NCLN: variants seen among roughly 807,000 people sequenced by gnomAD.
The protein encoded by NCLN is nicalin, also known as BOS complex subunit NCLN.
A neutral mutation model predicts 69.5 loss-of-function variants in NCLN; 34 were observed. The observed-to-expected ratio is 0.49, with a 90% CI of 0.37 to 0.65. The LOEUF is 0.65. Among genes scored for constraint, NCLN ranks in the 30% least tolerant of loss-of-function variants. The probability of loss-of-function intolerance (pLI) is 0.00; values close to 1 mark genes in which losing one functional copy is unlikely to be tolerated. For synonymous variants in NCLN, 393 were observed against 358.3 expected, an observed-to-expected ratio of 1.10 and a Z score of -1.09; for missense variants, 710 against 804.8, an observed-to-expected ratio of 0.88 and a Z score of 1.42.
chr19:3,203,973 C>T (rs762893252), intron 7 of NCLN, 32 bp from the exon 8 acceptor site: 1 of 1,544,100 alleles, frequency 6.5e-7, no homozygotes, highest in Non-Finnish European at 8.7e-7. Flanking sequence ...TCCTGGTCCC[C>T]ACCCACCCCG....
chr19:3,187,929 T>C (rs1056593963), intron 1 of NCLN, among the ~76,000 whole-genome samples: 11 of 152,100 alleles, frequency 7.2e-5, no homozygotes, highest in African/African-American at 2.7e-4. Flanking sequence ...CGCCTCCATC[T>C]TTGCTGCCTG....
rs1285963253 is a variant in NCLN, at chr19:3,203,844, G to A, written c.889G>A (p.Asp297Asn). 1 of 1,612,492 alleles carries A rather than the reference G, an allele frequency of 6.2e-7. No individual in the cohort carries two copies. The change falls in exon 7 of 15, where the codon GAC becomes AAC. Residue 297 changes from aspartate to asparagine, a missense_variant and splice_region_variant. Coordinates refer to ENST00000246117, the MANE Select transcript of NCLN (RefSeq NM_020170.4). ...GCTGGAAGACAACCTGGACCACACA[G>A]GTGAGCGGCCCCGGGTGGGGGTGGG... ...RWLEDNLDHT[D>N]SSLLQDNVAF... is the part of the protein sequence containing the mutation.
chr19:3,186,366 C>A, intron 1 of NCLN, 152 bp downstream of exon 1: 2 of 919,276 alleles, frequency 2.2e-6, no homozygotes. Flanking sequence ...GCCCTGGACC[C>A]CCGGGCGCCC....
intron 3 of NCLN, among the ~76,000 whole-genome samples, chr19:3,195,360 C>G (rs1915929022): frequency 6.6e-6 from 1 of 152,008 alleles, no homozygotes; most frequent in Admixed American, 6.5e-5. Flanking sequence ...CGCCATTCTC[C>G]TGCCTCAGCC....
At position 3,206,324 on chromosome 19, in the gene NCLN, G is replaced by C. The variant is rs140531519; in HGVS notation, c.1398G>C (p.Ala466=). The change falls in exon 12 of 15, where the codon GCG becomes GCC. Residue 466 remains alanine (A), a synonymous_variant. Transcript: ENST00000246117. The stretch of plus-strand genomic sequence containing the variant: ...GGCTCACCAACCAGCCGCGGGCCGC[G>C]CAGCTGGTGGACAAGGACAGCACCT... ...MDWLTNQPRA[A]QLVDKDSTFL... is the part of the protein sequence containing the mutation. 2 of 1,548,296 alleles carry C rather than the reference G, an allele frequency of 1.3e-6. No homozygotes were observed.
At chr19:3,204,923 C>T (rs1916227517) in intron 9 of NCLN, among the ~76,000 whole-genome samples, 172 bp downstream of exon 9, 1 of 152,220 alleles carries the variant, frequency 6.6e-6, no homozygotes, top group Admixed American at 6.5e-5. Context: ...CGTTCGCAAG[C>T]TCTTCCTTAC....
chr19:3,204,009 C>T lies in NCLN; in HGVS notation c.894C>T (p.Ser298=). 2.6e-6 allele frequency: 4 copies of T among 1,568,230 alleles called. No individual in the cohort carries two copies. The highest frequency in any genetic ancestry group is 2.4e-5 in the East Asian group (1 of 42,384). ...WLEDNLDHTD[S]SLLQDNVAFV... is the part of the protein sequence containing the mutation. Reference sequence around the variant, plus strand: ...CCAGCTCTCGGTGTCCTGCAGACTCCAGCCTGCTTCAGGACAATGTGGCCT... The same window carrying T: ...CCAGCTCTCGGTGTCCTGCAGACTCTAGCCTGCTTCAGGACAATGTGGCCT... Residue 298 remains serine (S), a synonymous_variant, in exon 8 of 15, where the codon TCC becomes TCT. Transcript: ENST00000246117.
rs200480707 is a variant in NCLN at position 3,207,675 on chromosome 19, C to T, written c.1679C>T (p.Ala560Val). ...ACCGTCCAGAGGCTGCTCGTGAAGG[C>T]CAAGACACAGTGACACAGCCACCCC... Reference protein sequence around the residue: ...YKTVQRLLVKAKTQ With the variant: ...YKTVQRLLVKVKTQ Residue 560 changes from alanine (A) to valine (V), a missense_variant, in exon 15 of 15, where the codon GCC becomes GTC. Transcript: ENST00000246117. 7.4e-6 allele frequency: 12 copies of T among 1,612,660 alleles called. No homozygotes were observed. The African/African-American group carries it at 1.6e-4, about 21-fold the overall frequency.
intron 5 of NCLN, among the ~76,000 whole-genome samples, chr19:3,199,242 T>C (rs1019273631): frequency 2.6e-5 from 4 of 152,226 alleles, no homozygotes; most frequent in African/African-American, 7.2e-5. Context: ...CGAGCGGTCA[T>C]GGAGCACGTA....
chr19:3,205,722 C>T lies in NCLN; in HGVS notation c.1209-217C>T, dbSNP rs1884447679. 1 of 569,680 alleles carries T rather than the reference C, an allele frequency of 1.8e-6. No homozygotes were observed. Among genetic ancestry groups the T allele is most frequent in the African/African-American group, 1.9e-5 (1 of 52,704 alleles). The allele number at this position is 569,680 out of a possible 1,614,324, so 35.3% of individuals were successfully genotyped here. On this transcript the variant is annotated intron_variant, in intron 9 of 14. Coordinates refer to ENST00000246117, the MANE Select transcript of NCLN (RefSeq NM_020170.4). This position sits in a 1 kb window ranked among gnomAD's most constrained non-coding sequence, Gnocchi z 4.6. ...TCAGGGCGTGAGCCTTACCTGCGCA[C>T]AGGGACGGGTCAGGGCAAGGGGCCT...
At chr19:3,193,603 G>A (rs943141172) in intron 3 of NCLN, among the ~76,000 whole-genome samples, 175 bp downstream of exon 3, 1 of 152,230 alleles carries the variant, frequency 6.6e-6, no homozygotes, top group Non-Finnish European at 1.5e-5. Context: ...CACCACCTCC[G>A]GGCTGGGACC....
At position 3,207,614 on chromosome 19, in the gene NCLN, C is replaced by G. The variant is rs1431150586; in HGVS notation, c.1633-15C>G. On this transcript the variant is annotated splice_polypyrimidine_tract_variant and intron_variant, in intron 14 of 14. Coordinates refer to ENST00000246117, the MANE Select transcript of NCLN (RefSeq NM_020170.4). ...GCCCCGCCCACATCCTCACTCCCTC[C>G]TGCTGTGTCCCCAGCACTTCAGCCT... 1.2e-6 allele frequency: 2 copies of G among 1,612,610 alleles called. No homozygotes were observed. Among genetic ancestry groups the G allele is most frequent in the Non-Finnish European group, 1.7e-6 (2 of 1,179,746 alleles).
Position 3,186,223 on chromosome 19 carries a change from C to A in NCLN, c.184+9C>A. Reference sequence around the variant, plus strand: ...GCAGGGCCAGCCCTACGGTGCGTGTCCCCGGCCCACCCTCGGGGCTCCCCG... The same window carrying A: ...GCAGGGCCAGCCCTACGGTGCGTGTACCCGGCCCACCCTCGGGGCTCCCCG... On this transcript the variant is annotated intron_variant, in intron 1 of 14. Transcript: ENST00000246117. 3.3e-6 allele frequency: 5 copies of A among 1,496,852 alleles called. No individual in the cohort carries two copies. The highest frequency in any genetic ancestry group is 4.4e-6 in the Non-Finnish European group (5 of 1,124,606). The allele number at this position is 1,496,852 out of a possible 1,614,324, so 92.7% of individuals were successfully genotyped here. A position where few individuals can be genotyped will look rare whatever the true frequency, so the allele number is the denominator to read the frequency against.
intron 5 of NCLN, among the ~76,000 whole-genome samples, chr19:3,200,179 C>T (rs1426277388): frequency 6.6e-6 from 1 of 152,062 alleles, no homozygotes; most frequent in African/African-American, 2.4e-5. Context: ...GAACTCCTGA[C>T]CTCAGGCAAT....
chr19:3,203,905 G>A, intron 7 of NCLN, 61 bp downstream of exon 7: 1 of 1,585,000 alleles, frequency 6.3e-7, no homozygotes. Context: ...GAGGCACGGA[G>A]GCCCAGGGGT....
chr19:3,196,344 C>A, intron 4 of NCLN, 67 bp downstream of exon 4: 2 of 1,227,028 alleles, frequency 1.6e-6, no homozygotes, highest in Admixed American at 2.3e-5. Flanking sequence ...CCTGGCTCCC[C>A]GGCTCGGCCG....
chr19:3,193,080 G>A (rs111916916), intron 2 of NCLN, among the ~76,000 whole-genome samples: 1,651 of 151,860 alleles, frequency 0.011, 41 homozygotes, highest in African/African-American at 0.038. Flanking sequence ...GGGAAGCCCT[G>A]GTTTTCTGTG....
At chr19:3,200,792 A>G (rs311622) in intron 5 of NCLN, among the ~76,000 whole-genome samples, 36,277 of 151,766 alleles carry the variant, frequency 0.24, 4,475 homozygotes, top group East Asian at 0.4. Flanking sequence ...CCAGAACCCC[A>G]GCATGTGCGC....
At position 3,192,480 on chromosome 19, in the gene NCLN, T is replaced by G; in HGVS notation, c.195T>G (p.Asn65Lys). The G allele has an allele frequency of 6.2e-7, 1 of 1,600,210 alleles. No homozygotes were observed. The highest frequency in any genetic ancestry group is 1.3e-5 in the African/African-American group (1 of 74,140). Reference protein sequence around the residue: ...DLQGQPYGTRNAVLNTEARTM... With the variant: ...DLQGQPYGTRKAVLNTEARTM... ...CCCCTGTGCCCACAGGCACACGGAA[T>G]GCAGTGCTGAACACGGAGGCGCGCA... Residue 65 changes from asparagine to lysine, a missense_variant, in exon 2 of 15, where the codon AAT becomes AAG. Coordinates refer to ENST00000246117, the MANE Select transcript of NCLN (RefSeq NM_020170.4).
Sources: allele counts gnomAD v4.1 joint callset (sites outside exome capture counted in the v4.1 genomes callset), GRCh38; gene constraint gnomAD v4.1.1; non-coding constraint Gnocchi (gnomAD v3.1); transcripts MANE v1.5; gene names NCBI Gene and HGNC (gene_info 2026-07-23, HGNC 2026-07-21).